The following CHD5 variants were observed in gnomAD, a reference collection of about 807,000 sequenced individuals.
The protein encoded by CHD5 is chromodomain helicase DNA binding protein 5.
CHD5 carries 69 observed loss-of-function variants against 230.3 expected under a neutral mutation model. That is an observed-to-expected ratio of 0.30 (90% CI 0.25 to 0.37). CHD5 has a LOEUF of 0.37. Ranked by LOEUF, CHD5 falls within the 10% of genes least tolerant of loss-of-function variation. The probability of loss-of-function intolerance (pLI) is 1.00; values close to 1 mark genes in which losing one functional copy is unlikely to be tolerated. For synonymous variants in CHD5, 1,064 were observed against 1,065.9 expected (o/e 1.00, Z 0.03); for missense variants, 1,827 against 2,622.8 (o/e 0.70, Z 6.63).
Position 6,131,854 on chromosome 1 carries a change from G to T in CHD5, c.3145-106C>A. 1.5e-6 allele frequency: 1 copy of T among 687,052 alleles called. No homozygotes were observed. 42.6% of individuals were successfully genotyped at this position (687,052 alleles called of 1,614,324 possible). On this transcript the variant is annotated intron_variant, in intron 20 of 41. Coordinates refer to ENST00000262450, the MANE Select transcript of CHD5 (RefSeq NM_015557.3). This position sits in a 1 kb window ranked among gnomAD's most constrained non-coding sequence, Gnocchi z 5.0. Reference sequence around the variant, plus strand: ...AGGGGAGGAGAGAGCTGCCTGCTAGGTGGGGAGACAGCTGGGACCCAGGCA... The same window carrying T: ...AGGGGAGGAGAGAGCTGCCTGCTAGTTGGGGAGACAGCTGGGACCCAGGCA...
intron 3 of CHD5, among the ~76,000 whole-genome samples, chr1:6,157,315 A>G (rs1431954040): frequency 6.6e-6 from 1 of 152,234 alleles, no homozygotes; most frequent in Non-Finnish European, 1.5e-5. Context: ...TGGAGGGGCC[A>G]AGAAGCCCCG....
chr1:6,150,765 C>G (rs1365036103), intron 7 of CHD5, among the ~76,000 whole-genome samples: 1 of 152,124 alleles, frequency 6.6e-6, no homozygotes, highest in Non-Finnish European at 1.5e-5. Flanking sequence ...TGCAAATGCC[C>G]TGGGGTAGCT....
chr1:6,159,480 A>T lies in CHD5; in HGVS notation c.243T>A (p.Asp81Glu). 1 of 1,598,686 alleles carries T rather than the reference A, an allele frequency of 6.3e-7. No homozygotes were observed. The highest frequency in any genetic ancestry group is 1.1e-5 in the South Asian group (1 of 88,772). ...CTTCACTCTCCGACTTCTCTTCCAG[A>T]TCCTCTTCATTCTCTGATAGCTCAT... ...SNDELSENEE[D>E]LEEKSESEGS... The change falls in exon 3 of 42, where the codon GAT becomes GAA. Residue 81 changes from aspartate (D) to glutamate (E), a missense_variant. Around this residue, in one of 14 missense-constraint regions of CHD5, gnomAD observed 657 missense variants for 816.4 expected, o/e 0.80. Coordinates refer to ENST00000262450, the MANE Select transcript of CHD5 (RefSeq NM_015557.3).
At position 6,121,439 on chromosome 1, in the gene CHD5, G is replaced by A; in HGVS notation, c.4779+55C>T. 6.5e-7 allele frequency: 1 copy of A among 1,546,218 alleles called. No individual in the cohort carries two copies. The highest frequency in any genetic ancestry group is 2.3e-5 in the East Asian group (1 of 43,660). On this transcript the variant is annotated intron_variant, in intron 32 of 41. Coordinates refer to ENST00000262450, the MANE Select transcript of CHD5 (RefSeq NM_015557.3). The surrounding 1 kb of genome is among the most constrained non-coding windows in gnomAD (Gnocchi z 4.5). ...TGTACAGGGCCTGAGAAGGTCCCCA[G>A]ACCCAACCTCCACCCCACACACACC...
At chr1:6,123,482 A>G (rs1666503580) in intron 31 of CHD5, among the ~76,000 whole-genome samples, 1 of 151,438 alleles carries the variant, frequency 6.6e-6, no homozygotes, top group South Asian at 2.1e-4. Flanking sequence ...GCTGGAGTGC[A>G]GTGGTGTGAT....
chr1:6,143,184 C>G (rs1456865435), intron 13 of CHD5, among the ~76,000 whole-genome samples: 2 of 152,068 alleles, frequency 1.3e-5, no homozygotes, highest in Non-Finnish European at 2.9e-5. Flanking sequence ...TCCCTAGTAG[C>G]TGGGACCACA....
In CHD5 at chr1:6,130,144, C is replaced by A; in HGVS notation, c.3387+60G>T. The A allele has an allele frequency of 6.3e-7, 1 of 1,599,804 alleles. No individual in the cohort carries two copies. The highest frequency in any genetic ancestry group is 8.5e-7 in the Non-Finnish European group (1 of 1,169,638). On this transcript the variant is annotated intron_variant, in intron 22 of 41. Coordinates refer to ENST00000262450, the MANE Select transcript of CHD5 (RefSeq NM_015557.3). This position sits in a 1 kb window ranked among gnomAD's most constrained non-coding sequence, Gnocchi z 4.9. ...GCAAGAAGGGCATGAAGGACAGAAC[C>A]TGCCTGAGGCCCGGGATGAGAGGCC... is the stretch of plus-strand genomic sequence containing the variant.
chr1:6,175,327 T>C (rs1217210539), intron 1 of CHD5, among the ~76,000 whole-genome samples: 2 of 147,344 alleles, frequency 1.4e-5, no homozygotes, highest in African/African-American at 2.5e-5. Context: ...GATGGATGAA[T>C]GGATGGTGGA....
chr1:6,121,131 G>T lies in CHD5; in HGVS notation c.4886C>A (p.Pro1629Gln). 1 of 1,610,508 alleles carries T rather than the reference G, an allele frequency of 6.2e-7. No homozygotes were observed. Among genetic ancestry groups the T allele is most frequent in the Non-Finnish European group, 8.5e-7 (1 of 1,178,596 alleles). The change falls in exon 33 of 42, where the codon CCG becomes CAG. Residue 1629 changes from proline to glutamine, a missense_variant. Pro to Gln is a moderately conservative substitution (Grantham distance 76). Transcript: ENST00000262450. This position sits in a 1 kb window ranked among gnomAD's most constrained non-coding sequence, Gnocchi z 4.5. ...TCTCGGCAGCTGCTCCGGGGAGGGC[G>T]GGGCCTTCTCCGTCTCCTCTGGCCG... is the stretch of plus-strand genomic sequence containing the variant. The part of the protein sequence containing the change: ...EERPEETEKA[P>Q]PSPEQLPREE...
At chr1:6,168,907 T>C (rs1438017454) in intron 1 of CHD5, among the ~76,000 whole-genome samples, 2 of 151,112 alleles carry the variant, frequency 1.3e-5, no homozygotes, top group East Asian at 3.9e-4. Flanking sequence ...TAATTCCAAC[T>C]ATTCGGGAGG....
At chr1:6,148,809 TG>T (rs755099335) in intron 9 of CHD5, 44 bp downstream of exon 9, 2 of 1,115,642 alleles carry the variant, frequency 1.8e-6, no homozygotes, top group South Asian at 3.7e-5. Flanking sequence ...GGCCTGTTCC[TG>T]GGGTGGGGCG....
rs574476251 is a variant in CHD5 at position 6,114,045 on chromosome 1, C to T, written c.4913-1047G>A. ...CCGGAGGATCACAAGGTCAGGAGTT[C>T]GAGACCAGCCTGACCAATATGGTGA... On this transcript the variant is annotated intron_variant, in intron 33 of 41. Coordinates refer to ENST00000262450, the MANE Select transcript of CHD5 (RefSeq NM_015557.3). Among the ~76,000 whole-genome samples the T allele has an allele frequency of 5.3e-5, 8 of 152,246 alleles. No homozygotes were observed. In the East Asian group the frequency reaches 5.8e-4, roughly 11 times the overall value.
chr1:6,148,552 T>C (rs921579893), intron 9 of CHD5, among the ~76,000 whole-genome samples: 12 of 152,226 alleles, frequency 7.9e-5, no homozygotes, highest in African/African-American at 2.7e-4. Flanking sequence ...TGTGGAGCCC[T>C]TGCAGAGCAC....
In CHD5 at chr1:6,125,353, G is replaced by A; in HGVS notation, c.4261-120C>T. On this transcript the variant is annotated intron_variant, in intron 28 of 41. Coordinates refer to ENST00000262450, the MANE Select transcript of CHD5 (RefSeq NM_015557.3). The surrounding 1 kb of genome is among the most constrained non-coding windows in gnomAD (Gnocchi z 6.7). ...AAGGTAGGAAGGGGGCACAGAGAAGGCAGGGGCCTCCACCTGGGGCAGGAC... is the reference window on the plus strand; with the variant it reads ...AAGGTAGGAAGGGGGCACAGAGAAGACAGGGGCCTCCACCTGGGGCAGGAC... 12 of 1,219,492 alleles carry A rather than the reference G, an allele frequency of 9.8e-6. No homozygotes were observed. Among genetic ancestry groups the A allele is most frequent in the Non-Finnish European group, 1.4e-5 (12 of 880,960 alleles). The allele number at this position is 1,219,492 out of a possible 1,614,324, so 75.5% of individuals were successfully genotyped here. A position where few individuals can be genotyped will look rare whatever the true frequency, so the allele number is the denominator to read the frequency against.
Position 6,149,550 on chromosome 1 carries a change from T to C in CHD5, c.995-138A>G, listed in dbSNP as rs1288243128. 1.4e-5 allele frequency: 10 copies of C among 729,706 alleles called. No individual in the cohort carries two copies. The Admixed American group carries it at 3.5e-4, about 25-fold the overall frequency. 45.2% of individuals were successfully genotyped at this position (729,706 alleles called of 1,614,324 possible). A position where few individuals can be genotyped will look rare whatever the true frequency, so the allele number is the denominator to read the frequency against. ...TGGAAAGGTGGGTGGGTGAATAGAC[T>C]GATGGTTGAGGTGGTAAAAGGGTGA... On this transcript the variant is annotated intron_variant, in intron 7 of 41. Coordinates refer to ENST00000262450, the MANE Select transcript of CHD5 (RefSeq NM_015557.3).
At chr1:6,151,718 C>T (rs1667011183) in intron 6 of CHD5, among the ~76,000 whole-genome samples, 1 of 152,238 alleles carries the variant, frequency 6.6e-6, no homozygotes, top group South Asian at 2.1e-4. Context: ...GCGGGCCACA[C>T]CTTCTCTCCA....
chr1:6,115,610 G>A (rs1052639008), intron 33 of CHD5, among the ~76,000 whole-genome samples: 1 of 152,228 alleles, frequency 6.6e-6, no homozygotes, highest in African/African-American at 2.4e-5. Flanking sequence ...TCCAGGTGCT[G>A]AAAACGGACC....
At chr1:6,132,570 A>G (rs1666675049) in intron 20 of CHD5, among the ~76,000 whole-genome samples, 2 of 152,150 alleles carry the variant, frequency 1.3e-5, no homozygotes, top group African/African-American at 2.4e-5. Context: ...CAATTGGATG[A>G]TTGTTGGAGC....
rs921438694 is a variant in CHD5 at position 6,129,951 on chromosome 1, C to T, written c.3387+253G>A. On this transcript the variant is annotated intron_variant, in intron 22 of 41. Coordinates refer to ENST00000262450, the MANE Select transcript of CHD5 (RefSeq NM_015557.3). This position sits in a 1 kb window ranked among gnomAD's most constrained non-coding sequence, Gnocchi z 6.8. The stretch of plus-strand genomic sequence containing the variant: ...TCAGTGGCCACTAGGAACTGCTGTG[C>T]GCCCTGGGACACTTCCCCTGCCCTC... 6.6e-6 allele frequency among the ~76,000 whole-genome samples: 1 copy of T among 152,178 alleles called. No individual in the cohort carries two copies. Among genetic ancestry groups the T allele is most frequent in the Non-Finnish European group, 1.5e-5 (1 of 68,024 alleles).
Sources: allele counts gnomAD v4.1 joint callset (sites outside exome capture counted in the v4.1 genomes callset), GRCh38; gene constraint gnomAD v4.1.1; regional missense constraint gnomAD v4.1.1; non-coding constraint Gnocchi (gnomAD v3.1); transcripts MANE v1.5; gene names NCBI Gene and HGNC (gene_info 2026-07-23, HGNC 2026-07-21).